Variants in AOPEP observed in about 807,000 individuals in gnomAD.
AOPEP encodes the protein aminopeptidase O.
A neutral mutation model predicts 98.1 loss-of-function variants in AOPEP; 77 were observed. The ratio of observed to expected loss-of-function variants is 0.78; its 90% CI spans 0.65 to 0.95. The LOEUF (loss-of-function observed/expected upper bound fraction) is 0.95, where lower values mean the gene tolerates loss of function less well. Ranked by LOEUF, AOPEP falls within the 40% of genes least tolerant of loss-of-function variation. The pLI, the probability that AOPEP is intolerant of heterozygous loss-of-function variation, is 0.00. For synonymous variants in AOPEP, 346 were observed against 365.3 expected (o/e 0.95, Z 0.60); for missense variants, 1,024 against 1,024.7 (o/e 1.00, Z 0.01).
At chr9:94,829,542 C>G (rs1855474038) in intron 5 of AOPEP, among the ~76,000 whole-genome samples, 1 of 152,200 alleles carries the variant, frequency 6.6e-6, no homozygotes, top group Non-Finnish European at 1.5e-5. Flanking sequence ...ACAAAACAAA[C>G]AGGCCACGCC....
intron 13 of AOPEP, among the ~76,000 whole-genome samples, chr9:95,012,014 C>G (rs1467540056): frequency 1.3e-5 from 2 of 152,158 alleles, no homozygotes; most frequent in Admixed American, 1.3e-4. Context: ...TCCCATGTGT[C>G]AAGCACTGTT....
intron 11 of AOPEP, among the ~76,000 whole-genome samples, chr9:94,994,096 T>A (rs1242299542): frequency 6.6e-6 from 1 of 152,228 alleles, no homozygotes; most frequent in African/African-American, 2.4e-5. Flanking sequence ...ACACTTCTCC[T>A]TAAGATGCTT....
rs1837991946 is a variant in AOPEP, at chr9:94,760,475, A to G, written c.692A>G (p.Lys231Arg). The G allele has an allele frequency of 1.2e-6, 2 of 1,613,378 alleles. No individual in the cohort carries two copies. Among genetic ancestry groups the G allele is most frequent in the Non-Finnish European group, 1.7e-6 (2 of 1,179,846 alleles). Reference protein sequence around the residue: ...DTDTWSLQIRKTGAQTATDFP... With the variant: ...DTDTWSLQIRRTGAQTATDFP... ...GACACTTGGAGCTTGCAGATAAGGA[A>G]GACAGGGGCTCAGACAGCTACTGAC... Residue 231 changes from lysine (K) to arginine (R), a missense_variant, in exon 2 of 17, where the codon AAG becomes AGG. Transcript: ENST00000375315.
intron 5 of AOPEP, among the ~76,000 whole-genome samples, chr9:94,837,666 T>C (rs1305885067): frequency 6.6e-6 from 1 of 152,226 alleles, no homozygotes; most frequent in African/African-American, 2.4e-5. Flanking sequence ...AATCACATGA[T>C]CATCTCAATA....
rs202105588 is a variant in AOPEP, at chr9:94,760,145, A to G, written c.362A>G (p.His121Arg). ...DKDGNHDNQE[H>R]ASGISSSKYC... Reference sequence around the variant, plus strand: ...GATGGTAACCATGACAACCAGGAACATGCTTCTGGGATTTCTAGCTCAAAG... The same window carrying G: ...GATGGTAACCATGACAACCAGGAACGTGCTTCTGGGATTTCTAGCTCAAAG... Residue 121 changes from histidine (H) to arginine (R), a missense_variant, in exon 2 of 17, where the codon CAT becomes CGT. Around this residue, in one of 3 missense-constraint regions of AOPEP, gnomAD observed 440 missense variants for 433.8 expected, o/e 1.01. Coordinates refer to ENST00000375315, the MANE Select transcript of AOPEP (RefSeq NM_001193329.3). 5 of 1,614,088 alleles carry G rather than the reference A, an allele frequency of 3.1e-6. No homozygotes were observed. Among genetic ancestry groups the G allele is most frequent in the Admixed American group, 1.7e-5 (1 of 59,998 alleles).
chr9:95,104,215 G>C, the AOPEP span, among the ~76,000 whole-genome samples: 1 of 152,216 alleles, frequency 6.6e-6, no homozygotes, highest in Admixed American at 6.5e-5. Flanking sequence ...CGCAGCGAAG[G>C]CTTCTCATTA....
chr9:94,909,346 TAAAAAAAAAAA>T (rs3052031), intron 5 of AOPEP, among the ~76,000 whole-genome samples: 2 of 82,032 alleles, frequency 2.4e-5, no homozygotes, highest in East Asian at 3.6e-4. Flanking sequence ...TTTGGAGCCT[TAAAAAAAAAAA>T]AAAAAAAAAA....
chr9:95,135,222 G>C, the AOPEP span: 1 of 945,380 alleles, frequency 1.1e-6, no homozygotes, highest in Non-Finnish European at 1.7e-6. Flanking sequence ...GTAAATACAC[G>C]ATTATATATA....
rs900558176 is a variant in AOPEP at position 94,970,121 on chromosome 9, T to G, written c.1916+2320T>G. ...TGTAAACTTCTCTTTCACCTTCCAT[T>G]CAGAATGGCTCCAAATTCTTTCTTC... On this transcript the variant is annotated intron_variant, in intron 10 of 16. Transcript: ENST00000375315. Among the ~76,000 whole-genome samples, 97 of 152,354 alleles carry G rather than the reference T, an allele frequency of 6.4e-4. 1 individual carries two copies. Among genetic ancestry groups the G allele is most frequent in the African/African-American group, 2.1e-3 (88 of 41,580 alleles).
chr9:95,014,008 T>C lies in AOPEP; in HGVS notation c.2115+8392T>C, dbSNP rs2062777498. Among the ~76,000 whole-genome samples the C allele has an allele frequency of 2.0e-5, 3 of 152,258 alleles. No homozygotes were observed. In the South Asian group the frequency reaches 6.2e-4, roughly 31 times the overall value. ...CTTGTCTGTAAAATGAGAATAACTT[T>C]TTTGTTTTGCTTGCTCACAGTAGAT... On this transcript the variant is annotated intron_variant, in intron 13 of 16. Transcript: ENST00000375315.
the AOPEP span, among the ~76,000 whole-genome samples, chr9:95,118,423 T>A: frequency 6.6e-6 from 1 of 152,254 alleles, no homozygotes; most frequent in Non-Finnish European, 1.5e-5. Context: ...GAAGCTTTTT[T>A]AAAAATTGAG....
chr9:94,774,680 A>C (rs532994982), intron 3 of AOPEP, among the ~76,000 whole-genome samples: 1 of 152,306 alleles, frequency 6.6e-6, no homozygotes, highest in African/African-American at 2.4e-5. Context: ...GTTATAAATA[A>C]AGTTGCATTA....
At chr9:95,064,727 A>G (rs2067695395) in intron 14 of AOPEP, among the ~76,000 whole-genome samples, 1 of 152,330 alleles carries the variant, frequency 6.6e-6, no homozygotes, top group African/African-American at 2.4e-5. Context: ...TTGCAGTCCA[A>G]AGGTGGAAGT....
intron 3 of AOPEP, among the ~76,000 whole-genome samples, chr9:94,791,972 G>A (rs891352420): frequency 2.6e-5 from 4 of 152,222 alleles, no homozygotes; most frequent in Non-Finnish European, 4.4e-5. Context: ...TCTCAGAAAT[G>A]AGGGGAGTAT....
intron 13 of AOPEP, among the ~76,000 whole-genome samples, chr9:95,058,037 T>C (rs932459562): frequency 1.3e-5 from 2 of 152,246 alleles, no homozygotes; most frequent in African/African-American, 2.4e-5. Flanking sequence ...ATATTTTCAT[T>C]GTGTAAAATT....
intron 3 of AOPEP, among the ~76,000 whole-genome samples, chr9:94,780,053 A>G (rs1185069840): frequency 6.6e-6 from 1 of 152,188 alleles, no homozygotes; most frequent in Non-Finnish European, 1.5e-5. Flanking sequence ...GGGGTCAGAA[A>G]ACTATGGCCT....
chr9:94,735,484 T>C (rs1208143487), intron 1 of AOPEP, among the ~76,000 whole-genome samples: 1 of 152,086 alleles, frequency 6.6e-6, no homozygotes, highest in Non-Finnish European at 1.5e-5. Context: ...CCTCCCAAAG[T>C]GCTGGGATTA....
At chr9:94,799,875 AT>A (rs1310891290) in intron 4 of AOPEP, among the ~76,000 whole-genome samples, 36 of 151,364 alleles carry the variant, frequency 2.4e-4, no homozygotes, top group Admixed American at 1.6e-3. Context: ...AAAAAAAAAA[AT>A]AATGAAATAA....
In AOPEP at chr9:95,018,379, G is replaced by T. The variant is rs573126425; in HGVS notation, c.2115+12763G>T. ...ATACTTAACATTTTATTTCTTGAGAGGATTTGAAAGTGTCTAGATACCTTA... is the reference window on the plus strand; with the variant it reads ...ATACTTAACATTTTATTTCTTGAGATGATTTGAAAGTGTCTAGATACCTTA... On this transcript the variant is annotated intron_variant, in intron 13 of 16. Coordinates refer to ENST00000375315, the MANE Select transcript of AOPEP (RefSeq NM_001193329.3). Among the ~76,000 whole-genome samples the T allele has an allele frequency of 1.4e-3, 211 of 152,234 alleles. 2 individuals are homozygous for T. Among genetic ancestry groups the T allele is most frequent in the African/African-American group, 4.8e-3 (201 of 41,534 alleles).
Sources: allele counts gnomAD v4.1 joint callset (sites outside exome capture counted in the v4.1 genomes callset), GRCh38; gene constraint gnomAD v4.1.1; regional missense constraint gnomAD v4.1.1; transcripts MANE v1.5; gene names NCBI Gene and HGNC (gene_info 2026-07-23, HGNC 2026-07-21).